Variants in ECT2L observed in about 807,000 individuals in gnomAD.
ECT2L encodes epithelial cell-transforming sequence 2 oncogene-like.
A neutral mutation model predicts 122.8 loss-of-function variants in ECT2L; 126 were observed. The observed-to-expected ratio is 1.03, with a 90% CI of 0.89 to 1.19. The LOEUF (loss-of-function observed/expected upper bound fraction) is 1.19, where lower values mean the gene tolerates loss of function less well. ECT2L is among the 50% of genes most tolerant of loss of function. The pLI is 0.00. For synonymous variants in ECT2L, 385 were observed against 381.8 expected (o/e 1.01, Z -0.10); for missense variants, 1,012 against 1,064.1 (o/e 0.95, Z 0.68).
intron 20 of ECT2L, among the ~76,000 whole-genome samples, chr6:138,890,236 G>A (rs903320484): frequency 7.9e-5 from 12 of 152,158 alleles, no homozygotes; most frequent in African/African-American, 2.9e-4. Flanking sequence ...ATGACAAAGA[G>A]TGATTCAGCA....
chr6:138,862,788 A>C lies in ECT2L; in HGVS notation c.1291+69A>C. The C allele has an allele frequency of 2.3e-6, 3 of 1,302,382 alleles. No individual in the cohort carries two copies. The South Asian group carries it at 3.6e-5, about 16-fold the overall frequency. 80.7% of individuals were successfully genotyped at this position (1,302,382 alleles called of 1,614,324 possible). On this transcript the variant is annotated intron_variant, in intron 11 of 21. Transcript: ENST00000541398. The stretch of plus-strand genomic sequence containing the variant: ...CAACTCCAGAATCACCAAAAGACAA[A>C]ATCCAGTTAATAGTACTGGTATGGC...
chr6:138,891,696 C>T lies in ECT2L; in HGVS notation c.2414+2665C>T, dbSNP rs115324488. Among the ~76,000 whole-genome samples, 759 of 152,264 alleles carry T rather than the reference C, an allele frequency of 5.0e-3. 7 individuals carry two copies. The highest frequency in any genetic ancestry group is 0.018 in the African/African-American group (732 of 41,556). On this transcript the variant is annotated intron_variant, in intron 20 of 21. Coordinates refer to ENST00000541398, the MANE Select transcript of ECT2L (RefSeq NM_001077706.3). Reference sequence around the variant, plus strand: ...GATGTTTGCCTGTAACTTCTATCCCCGTAAAATGTATAAAATCAAGCTGTA... The same window carrying T: ...GATGTTTGCCTGTAACTTCTATCCCTGTAAAATGTATAAAATCAAGCTGTA...
At position 138,885,732 on chromosome 6, in the gene ECT2L, T is replaced by C; in HGVS notation, c.2161T>C (p.Tyr721His). 1 of 1,614,204 alleles carries C rather than the reference T, an allele frequency of 6.2e-7. No individual in the cohort carries two copies. Among genetic ancestry groups the C allele is most frequent in the Admixed American group, 1.7e-5 (1 of 60,018 alleles). ...ATTTGAAGAATACCTTAATCTTCTC[T>C]ACGCTGTCAGGCTTCATACCCCTGC... ...RRFEEYLNLL[Y>H]AVRLHTPAEH... The change falls in exon 18 of 22, where the codon TAC becomes CAC. Residue 721 changes from tyrosine (Y) to histidine (H), a missense_variant. Tyr to His is a moderately conservative substitution (Grantham distance 83). Transcript: ENST00000541398.
At chr6:138,855,546 G>T (rs1459497731) in intron 10 of ECT2L, among the ~76,000 whole-genome samples, 1 of 151,980 alleles carries the variant, frequency 6.6e-6, no homozygotes, top group East Asian at 1.9e-4. Context: ...AATCTAAAAG[G>T]AAATATACCA....
At chr6:138,871,101 C>G (rs537986248) in intron 13 of ECT2L, among the ~76,000 whole-genome samples, 1 of 152,176 alleles carries the variant, frequency 6.6e-6, no homozygotes, top group African/African-American at 2.4e-5. Flanking sequence ...TTTGCCAGTA[C>G]TATATTAGGA....
intron 20 of ECT2L, among the ~76,000 whole-genome samples, chr6:138,891,304 G>A (rs1476246412): frequency 1.3e-5 from 2 of 152,184 alleles, no homozygotes; most frequent in African/African-American, 4.8e-5. Context: ...GCCCTGCAAA[G>A]TCATCTCTTT....
At chr6:138,822,767 G>T in intron 4 of ECT2L, 1 of 1,599,546 alleles carries the variant, frequency 6.3e-7, no homozygotes, top group Non-Finnish European at 8.5e-7. Flanking sequence ...AACAGAACCA[G>T]TCAACAGATT....
At chr6:138,842,727 G>A (rs1327267925) in intron 5 of ECT2L, among the ~76,000 whole-genome samples, 5 of 152,068 alleles carry the variant, frequency 3.3e-5, no homozygotes, top group African/African-American at 9.7e-5. Context: ...AGCCGAGCTC[G>A]TGCCACTGCA....
At chr6:138,841,151 A>G (rs1777025764) in intron 5 of ECT2L, among the ~76,000 whole-genome samples, 1 of 152,218 alleles carries the variant, frequency 6.6e-6, no homozygotes, top group Admixed American at 6.5e-5. Flanking sequence ...TATTTTAGAT[A>G]TATTAATTAT....
rs576169167 is a variant in ECT2L, at chr6:138,814,551, C to T, written c.127C>T (p.Arg43Cys). The change falls in exon 4 of 22, where the codon CGT becomes TGT. Residue 43 changes from arginine to cysteine, a missense_variant. By Grantham distance (180) the Arg-to-Cys change is radical. Transcript: ENST00000541398. ...GTTTGACCTCTGGACTAACAAGCAA[C>T]GTCAAGAATTCTTATTCGCAATTTT... ...HWFDLWTNKQ[R>C]QEFLFAIFLR... The T allele has an allele frequency of 9.9e-6, 16 of 1,612,224 alleles. No homozygotes were observed. Among genetic ancestry groups the T allele is most frequent in the East Asian group, 4.5e-5 (2 of 44,826 alleles).
chr6:138,880,609 T>G (rs769689676), intron 14 of ECT2L, among the ~76,000 whole-genome samples: 3 of 152,154 alleles, frequency 2.0e-5, no homozygotes, highest in African/African-American at 4.8e-5. Context: ...GTAACCTCCA[T>G]GAAGACAGGA....
chr6:138,796,559 C>T (rs1482511662), intron 1 of ECT2L, among the ~76,000 whole-genome samples: 1 of 152,068 alleles, frequency 6.6e-6, no homozygotes, highest in African/African-American at 2.4e-5. Context: ...CAGTTCTCTC[C>T]CTCTTTCCTC....
At chr6:138,863,843 T>C (rs955673154) in intron 11 of ECT2L, among the ~76,000 whole-genome samples, 1 of 150,744 alleles carries the variant, frequency 6.6e-6, no homozygotes, top group African/African-American at 2.4e-5. Flanking sequence ...CTTGATCTCC[T>C]GACCTTGTGA....
rs1167687108 is a variant in ECT2L at position 138,868,146 on chromosome 6, C to T, written c.1518C>T (p.Asn506=). 1 of 1,613,074 alleles carries T rather than the reference C, an allele frequency of 6.2e-7. No individual in the cohort carries two copies. The highest frequency in any genetic ancestry group is 2.2e-5 in the East Asian group (1 of 44,848). Residue 506 remains asparagine, a synonymous_variant, in exon 13 of 22, where the codon AAC becomes AAT. Transcript: ENST00000541398. ...FDTMGMTNIL[N]NQDTAQALAD... is the part of the protein sequence containing the mutation. ...CCATGGGTATGACCAACATTCTAAA[C>T]AACCAAGATACTGCGCAAGCTCTGG...
At chr6:138,842,143 T>C (rs778828098) in intron 5 of ECT2L, among the ~76,000 whole-genome samples, 2 of 152,226 alleles carry the variant, frequency 1.3e-5, no homozygotes, top group Non-Finnish European at 2.9e-5. Flanking sequence ...GTTCAGATAG[T>C]AAGTCAGTAA....
chr6:138,886,625 C>T (rs1352263864), intron 18 of ECT2L, among the ~76,000 whole-genome samples: 1 of 151,786 alleles, frequency 6.6e-6, no homozygotes, highest in Non-Finnish European at 1.5e-5. Context: ...ACCACTTTGC[C>T]CAGGCTGGTC....
intron 4 of ECT2L, among the ~76,000 whole-genome samples, chr6:138,828,456 C>T (rs895115567): frequency 2.6e-5 from 4 of 152,000 alleles, no homozygotes; most frequent in Non-Finnish European, 4.4e-5. Flanking sequence ...AGTTTGGGGC[C>T]TGATGAAAGT....
At chr6:138,816,926 AC>A (rs1223750774) in intron 4 of ECT2L, among the ~76,000 whole-genome samples, 1 of 151,820 alleles carries the variant, frequency 6.6e-6, no homozygotes, top group Non-Finnish European at 1.5e-5. Flanking sequence ...CCCACAAAGA[AC>A]CCCCCTACCC....
Position 138,865,018 on chromosome 6 carries a change from C to G in ECT2L, c.1314C>G (p.Ser438=). 7 of 1,613,178 alleles carry G rather than the reference C, an allele frequency of 4.3e-6. No individual in the cohort carries two copies. The highest frequency in any genetic ancestry group is 5.9e-6 in the Non-Finnish European group (7 of 1,179,720). ...YQHILSDWLG[S]QWGKAPSSIY... ...CAGTTCTTAGTGATTGGCTGGGATC[C>G]CAATGGGGAAAGGCCCCCTCTTCCA... Residue 438 remains serine (S), a synonymous_variant, in exon 12 of 22, where the codon TCC becomes TCG. Transcript: ENST00000541398.
Sources: gnomAD v4.1 joint callset for allele counts (sites outside exome capture counted in the v4.1 genomes callset) on GRCh38, gnomAD v4.1.1 for gene constraint, MANE v1.5 for transcripts, NCBI Gene and HGNC (gene_info 2026-07-23, HGNC 2026-07-21) for gene names.